Variants in MTHFD1 observed in about 807,000 individuals in gnomAD.
MTHFD1 encodes methylenetetrahydrofolate dehydrogenase, cyclohydrolase and formyltetrahydrofolate synthetase 1.
MTHFD1 carries 44 observed loss-of-function variants against 110.3 expected under a neutral mutation model. The observed-to-expected ratio is 0.40, with a 90% CI of 0.31 to 0.51. The LOEUF (loss-of-function observed/expected upper bound fraction) is 0.51, where lower values mean the gene tolerates loss of function less well. MTHFD1 is among the 20% of genes least tolerant of loss of function. The pLI is 0.60. For missense variants in MTHFD1, 909 were observed against 1,173.1 expected (o/e 0.77, Z 3.29); for synonymous variants, 402 against 428.8 (o/e 0.94, Z 0.77).
At chr14:64,423,753 G>C (rs2078094633) in intron 8 of MTHFD1, among the ~76,000 whole-genome samples, 1 of 147,904 alleles carries the variant, frequency 6.8e-6, no homozygotes, top group African/African-American at 2.5e-5. Flanking sequence ...CTGAGACAGA[G>C]TCTCGCTCTG....
chr14:64,412,647 T>TC, intron 4 of MTHFD1, 122 bp downstream of exon 4: 2 of 732,264 alleles, frequency 2.7e-6, no homozygotes, highest in South Asian at 1.6e-5. Context: ...TTTTTTTTTT[T>TC]TTTTTTTGAG....
At chr14:64,400,956 C>G in intron 2 of MTHFD1, 79 bp downstream of exon 2, 1 of 1,078,766 alleles carries the variant, frequency 9.3e-7, no homozygotes, top group Non-Finnish European at 1.4e-6. Flanking sequence ...CCTCTACTTT[C>G]CTCCTTTTTT....
chr14:64,426,103 AT>A lies in MTHFD1; in HGVS notation c.1040del (p.Leu347TyrfsTer14). ...TTGGTCTGCTGTCTGAAGAGGTAGA[AT>A]TATATGGTGAAACAAAGGCCAAAGT... ...EIGLLSEEVE[L>X]YGETKAKVLL... On this transcript the variant is annotated frameshift_variant, in exon 11 of 28. Coordinates refer to ENST00000652337, the MANE Select transcript of MTHFD1 (RefSeq NM_005956.4). LOFTEE classifies it high-confidence loss of function. The A allele has an allele frequency of 6.2e-7, 1 of 1,614,134 alleles. No individual in the cohort carries two copies. Among genetic ancestry groups the A allele is most frequent in the Non-Finnish European group, 8.5e-7 (1 of 1,180,048 alleles).
intron 19 of MTHFD1, 132 bp from the exon 20 acceptor site, chr14:64,441,920 AAG>A: frequency 9.7e-6 from 7 of 720,632 alleles, no homozygotes; most frequent in Non-Finnish European, 1.8e-5. Context: ...ACTGAAATAA[AAG>A]AGATGACTTT....
chr14:64,434,953 T>TC (rs2078193382), intron 15 of MTHFD1, among the ~76,000 whole-genome samples: 1 of 119,028 alleles, frequency 8.4e-6, no homozygotes, highest in African/African-American at 3.2e-5. Flanking sequence ...TCTTTTCTTT[T>TC]TTTTTTTTTT....
intron 26 of MTHFD1, among the ~76,000 whole-genome samples, chr14:64,457,018 T>A (rs1232313320): frequency 6.6e-6 from 1 of 152,232 alleles, no homozygotes; most frequent in Non-Finnish European, 1.5e-5. Context: ...AAGTAGAAAT[T>A]TGTCAAAGCC....
chr14:64,398,958 A>T (rs1241601191), intron 1 of MTHFD1, among the ~76,000 whole-genome samples: 1 of 152,218 alleles, frequency 6.6e-6, no homozygotes, highest in Non-Finnish European at 1.5e-5. Context: ...GTTTTGCAAG[A>T]GGTTATACTT....
intron 20 of MTHFD1, 49 bp downstream of exon 20, chr14:64,442,214 C>T (rs2078254887): frequency 1.2e-6 from 2 of 1,613,900 alleles, no homozygotes; most frequent in African/African-American, 1.3e-5. Flanking sequence ...TTTCTTTTAA[C>T]ATCAGGGGAA....
At chr14:64,411,985 T>C (rs1471980367) in intron 3 of MTHFD1, among the ~76,000 whole-genome samples, 1 of 151,828 alleles carries the variant, frequency 6.6e-6, no homozygotes, top group East Asian at 1.9e-4. Context: ...ATAGACAGAA[T>C]TGGGCAGGGG....
intron 16 of MTHFD1, among the ~76,000 whole-genome samples, chr14:64,438,321 A>G (rs146746073): frequency 1.3e-4 from 20 of 152,318 alleles, no homozygotes; most frequent in Non-Finnish European, 2.5e-4. Flanking sequence ...ACTTATTACC[A>G]TAAACTCAGG....
chr14:64,426,104 T>C lies in MTHFD1; in HGVS notation c.1039T>C (p.Leu347=), dbSNP rs1477106644. 3 of 1,614,084 alleles carry C rather than the reference T, an allele frequency of 1.9e-6. No homozygotes were observed. The South Asian group carries it at 3.3e-5, about 18-fold the overall frequency. ...TGGTCTGCTGTCTGAAGAGGTAGAATTATATGGTGAAACAAAGGCCAAAGT... is the reference window on the plus strand; with the variant it reads ...TGGTCTGCTGTCTGAAGAGGTAGAACTATATGGTGAAACAAAGGCCAAAGT... ...EIGLLSEEVE[L]YGETKAKVLL... is the part of the protein sequence containing the mutation. Residue 347 remains leucine, a synonymous_variant, in exon 11 of 28, where the codon TTA becomes CTA. Transcript: ENST00000652337.
At chr14:64,420,622 A>G (rs2078061416) in intron 8 of MTHFD1, among the ~76,000 whole-genome samples, 2 of 152,218 alleles carry the variant, frequency 1.3e-5, no homozygotes, top group Middle Eastern at 3.4e-3. Flanking sequence ...GGGCTGTGAT[A>G]ACTTCCTTGC....
intron 8 of MTHFD1, among the ~76,000 whole-genome samples, chr14:64,421,535 G>C (rs577785645): frequency 2.6e-5 from 4 of 152,124 alleles, no homozygotes; most frequent in Non-Finnish European, 5.9e-5. Context: ...TCTAACAGGC[G>C]ATAAAGAAAT....
chr14:64,441,926 T>G (rs915628844), intron 19 of MTHFD1, 128 bp from the exon 20 acceptor site: 1 of 725,320 alleles, frequency 1.4e-6, no homozygotes, highest in Non-Finnish European at 2.5e-6. Context: ...ATAAAAGAGA[T>G]GACTTTATAT....
intron 1 of MTHFD1, among the ~76,000 whole-genome samples, chr14:64,396,251 A>G (rs1596529664): frequency 6.6e-6 from 1 of 152,180 alleles, no homozygotes; most frequent in Middle Eastern, 3.2e-3. Flanking sequence ...TTTCAACAAG[A>G]AGGTAATTTA....
At chr14:64,434,887 A>T (rs2078191508) in intron 15 of MTHFD1, among the ~76,000 whole-genome samples, 1 of 141,970 alleles carries the variant, frequency 7.0e-6, no homozygotes, top group South Asian at 2.2e-4. Context: ...TGGCACAATC[A>T]TGGCTCACTG....
intron 1 of MTHFD1, among the ~76,000 whole-genome samples, chr14:64,398,060 G>T (rs940204954): frequency 4.6e-5 from 7 of 152,086 alleles, no homozygotes; most frequent in African/African-American, 1.7e-4. Context: ...TGTCATTCAG[G>T]GGAGCAGCTA....
At chr14:64,459,707 A>G (rs1332599566) in intron 27 of MTHFD1, 52 bp from the exon 28 acceptor site, 7 of 1,337,984 alleles carry the variant, frequency 5.2e-6, no homozygotes, top group Non-Finnish European at 6.7e-6. Context: ...GGAACAGGAA[A>G]CATTTCAGTG....
chr14:64,441,600 A>T (rs1414318623), intron 19 of MTHFD1, 147 bp downstream of exon 19: 10 of 694,282 alleles, frequency 1.4e-5, no homozygotes, highest in African/African-American at 3.5e-5. Context: ...AGGTCAGGAG[A>T]TCGAGACCAT....
Sources: allele counts gnomAD v4.1 joint callset (sites outside exome capture counted in the v4.1 genomes callset), GRCh38; gene constraint gnomAD v4.1.1; transcripts MANE v1.5; gene names NCBI Gene and HGNC (gene_info 2026-07-23, HGNC 2026-07-21).